Variants in NLGN1 observed in about 807,000 individuals in gnomAD.
NLGN1 encodes the protein neuroligin 1.
A neutral mutation model predicts 65.5 loss-of-function variants in NLGN1; 12 were observed. The ratio of observed to expected loss-of-function variants is 0.18; its 90% CI spans 0.12 to 0.30. The LOEUF is 0.30. Ranked by LOEUF, NLGN1 falls within the 10% of genes least tolerant of loss-of-function variation. NLGN1 has a pLI of 1.00. For synonymous variants in NLGN1, 350 were observed against 359.5 expected, an observed-to-expected ratio of 0.97 and a Z score of 0.30; for missense variants, 750 against 1,007.1, an observed-to-expected ratio of 0.74 and a Z score of 3.46.
At chr3:174,140,598 C>T (rs1374657020) in intron 4 of NLGN1, among the ~76,000 whole-genome samples, 3 of 152,024 alleles carry the variant, frequency 2.0e-5, no homozygotes, top group Non-Finnish European at 2.9e-5. Context: ...GAGTAGTGTC[C>T]AAATCCAAGC....
chr3:173,794,727 G>T (rs898088974), intron 3 of NLGN1, among the ~76,000 whole-genome samples: 3 of 152,166 alleles, frequency 2.0e-5, no homozygotes, highest in African/African-American at 7.2e-5. Flanking sequence ...CAAATTTGCT[G>T]ATGCTCAGGT....
At chr3:174,214,270 C>T (rs1737208146) in intron 4 of NLGN1, among the ~76,000 whole-genome samples, 1 of 152,060 alleles carries the variant, frequency 6.6e-6, no homozygotes, top group East Asian at 1.9e-4. Context: ...ATTGTTTCTT[C>T]AGAATTATAT....
chr3:174,176,478 T>G (rs892877599), intron 4 of NLGN1, among the ~76,000 whole-genome samples: 2 of 152,058 alleles, frequency 1.3e-5, no homozygotes, highest in African/African-American at 4.8e-5. Context: ...AAACAGCTTT[T>G]CTGCAGGCCA....
At chr3:173,674,721 A>G (rs1437603472) in intron 3 of NLGN1, among the ~76,000 whole-genome samples, 2 of 152,050 alleles carry the variant, frequency 1.3e-5, no homozygotes, top group African/African-American at 4.8e-5. Flanking sequence ...TAAAATTTTG[A>G]GTGGAGAGAC....
chr3:173,626,920 C>G (rs1754907982), intron 3 of NLGN1, among the ~76,000 whole-genome samples: 1 of 151,954 alleles, frequency 6.6e-6, no homozygotes, highest in African/African-American at 2.4e-5. Context: ...ACTGGCAAAA[C>G]TATCCTAGCA....
At chr3:173,712,904 A>G (rs1415790866) in intron 3 of NLGN1, among the ~76,000 whole-genome samples, 1 of 152,160 alleles carries the variant, frequency 6.6e-6, no homozygotes, top group Non-Finnish European at 1.5e-5. Flanking sequence ...AAAGAGCAAG[A>G]AAAAATTAAT....
intron 2 of NLGN1, among the ~76,000 whole-genome samples, chr3:173,453,935 T>A (rs1419676494): frequency 6.6e-6 from 1 of 152,232 alleles, no homozygotes; most frequent in Non-Finnish European, 1.5e-5. Context: ...ATCAGAATAA[T>A]CATTATCAAT....
At chr3:174,065,114 A>G (rs1164098862) in intron 4 of NLGN1, among the ~76,000 whole-genome samples, 1 of 151,966 alleles carries the variant, frequency 6.6e-6, no homozygotes, top group African/African-American at 2.4e-5. Flanking sequence ...ATTTTTTGAA[A>G]GACTACTATC....
chr3:173,698,842 A>G (rs1337060953), intron 3 of NLGN1, among the ~76,000 whole-genome samples: 3 of 109,452 alleles, frequency 2.7e-5, no homozygotes, highest in Non-Finnish European at 4.5e-5. Context: ...ATTAGAAAAC[A>G]GGAATTTTTT....
chr3:173,925,441 T>C (rs1039665137), intron 4 of NLGN1, among the ~76,000 whole-genome samples: 7 of 152,196 alleles, frequency 4.6e-5, no homozygotes, highest in Non-Finnish European at 1.0e-4. Context: ...GCTGTTTTTA[T>C]TTCACCAATT....
exon 7 of NLGN1, chr3:174,281,144 T>C: frequency 6.2e-7 from 1 of 1,613,304 alleles, no homozygotes. Context: ...GGTCACCTGA[T>C]GATGTTCCCT....
chr3:173,760,822 C>G (rs1777868327), intron 3 of NLGN1, among the ~76,000 whole-genome samples: 1 of 151,956 alleles, frequency 6.6e-6, no homozygotes, highest in African/African-American at 2.4e-5. Flanking sequence ...TGCTGTAGTA[C>G]AATAAAAGCA....
chr3:173,833,525 T>C (rs1421174829), intron 4 of NLGN1, among the ~76,000 whole-genome samples: 2 of 152,144 alleles, frequency 1.3e-5, no homozygotes, highest in Non-Finnish European at 2.9e-5. Context: ...TATTTTTATT[T>C]ATTTATTTTT....
intron 4 of NLGN1, among the ~76,000 whole-genome samples, chr3:174,231,499 T>TAAGC (rs1384981499): frequency 6.6e-6 from 1 of 152,176 alleles, no homozygotes; most frequent in Non-Finnish European, 1.5e-5. Flanking sequence ...TGCATACTAC[T>TAAGC]AAGCTAGGTT....
intron 4 of NLGN1, among the ~76,000 whole-genome samples, chr3:174,254,700 T>A (rs977711161): frequency 3.3e-5 from 5 of 152,064 alleles, no homozygotes; most frequent in Non-Finnish European, 7.4e-5. Flanking sequence ...ACAAAAAAAA[T>A]TGGGTCCAGT....
chr3:173,827,352 T>C (rs1471542627), intron 4 of NLGN1, among the ~76,000 whole-genome samples: 2 of 152,032 alleles, frequency 1.3e-5, no homozygotes, highest in Non-Finnish European at 2.9e-5. Context: ...ACAAAATTGC[T>C]TCTGTTATCT....
intron 4 of NLGN1, among the ~76,000 whole-genome samples, chr3:174,247,164 T>C (rs1743947649): frequency 6.6e-6 from 1 of 152,308 alleles, no homozygotes. Flanking sequence ...TTTTGAGGTA[T>C]TATTATTTTT....
chr3:173,614,076 T>C (rs1467315192), intron 3 of NLGN1, among the ~76,000 whole-genome samples: 1 of 150,034 alleles, frequency 6.7e-6, no homozygotes, highest in Non-Finnish European at 1.5e-5. Context: ...TAGAAGCATA[T>C]AAAAACATCT....
intron 4 of NLGN1, among the ~76,000 whole-genome samples, chr3:173,999,164 A>T (rs2152424563): frequency 6.6e-6 from 1 of 152,296 alleles, no homozygotes; most frequent in Admixed American, 6.5e-5. Context: ...TTGACAGAAC[A>T]GATGAGCTCC....
Sources: gnomAD v4.1 joint callset for allele counts (sites outside exome capture counted in the v4.1 genomes callset) on GRCh38, gnomAD v4.1.1 for gene constraint, MANE v1.5 for transcripts, NCBI Gene and HGNC (gene_info 2026-07-23, HGNC 2026-07-21) for gene names.